RAB19: variants seen among roughly 807,000 people sequenced by gnomAD.
RAB19 encodes the protein ras-related protein Rab-19.
In RAB19, 21 loss-of-function variants were observed where a neutral mutation model predicts 17.3. That is an observed-to-expected ratio of 1.21 (90% CI 0.86 to 1.74). The LOEUF (loss-of-function observed/expected upper bound fraction) is 1.74. Among genes scored for constraint, RAB19 ranks in the 40% most tolerant of loss-of-function variants. The probability of loss-of-function intolerance (pLI) is 0.00; values close to 1 mark genes in which losing one functional copy is unlikely to be tolerated. For missense variants in RAB19, 277 were observed against 286.8 expected (o/e 0.97, Z 0.25); for synonymous variants, 126 against 110.4 (o/e 1.14, Z -0.88).
chr7:140,408,929 T>A (rs1799299059), intron 2 of RAB19, among the ~76,000 whole-genome samples: 1 of 152,120 alleles, frequency 6.6e-6, no homozygotes, highest in Admixed American at 6.6e-5. Flanking sequence ...CAACTCCTTT[T>A]TTAAATTTGT....
At chr7:140,412,279 G>A (rs895497099) in intron 3 of RAB19, among the ~76,000 whole-genome samples, 6 of 152,062 alleles carry the variant, frequency 3.9e-5, no homozygotes, top group Admixed American at 1.3e-4. Flanking sequence ...GTGAAACCCC[G>A]TCTCTACTAA....
chr7:140,407,011 G>A (rs915169157), intron 1 of RAB19, among the ~76,000 whole-genome samples: 2 of 151,936 alleles, frequency 1.3e-5, no homozygotes, highest in Admixed American at 1.3e-4. Context: ...TCAGCCTCCC[G>A]AATAGCTGAG....
chr7:140,411,090 A>G (rs1335639164), intron 2 of RAB19: 1 of 1,367,548 alleles, frequency 7.3e-7, no homozygotes, highest in Non-Finnish European at 9.8e-7. Context: ...AGAACACAAG[A>G]CCCCAGGATA....
At chr7:140,404,836 T>C (rs1047991843) in intron 1 of RAB19, among the ~76,000 whole-genome samples, 1 of 152,138 alleles carries the variant, frequency 6.6e-6, no homozygotes, top group Non-Finnish European at 1.5e-5. Context: ...CTTGGGGGAA[T>C]ATTCTTGCTG....
In RAB19 at chr7:140,427,872, G is replaced by A. The variant is rs1445077726; in HGVS notation, c.*1722G>A. 6.6e-6 allele frequency among the ~76,000 whole-genome samples: 1 copy of A among 152,000 alleles called. No individual in the cohort carries two copies. Among genetic ancestry groups the A allele is most frequent in the Non-Finnish European group, 1.5e-5 (1 of 68,010 alleles). ...CCCAAAGTGCTGGGATTACAGGCAT[G>A]AGCCACCATGCCTGGCACAATTTCT... On this transcript the variant is annotated 3_prime_UTR_variant, in exon 4 of 4. Coordinates refer to ENST00000537763, the MANE Select transcript of RAB19 (RefSeq NM_001008749.3).
chr7:140,424,613 C>CTA (rs1161239478), intron 3 of RAB19, among the ~76,000 whole-genome samples: 33 of 79,230 alleles, frequency 4.2e-4, no homozygotes, highest in South Asian at 1.7e-3. Flanking sequence ...CTCTCTCTCT[C>CTA]TCTCTCTATA....
intron 2 of RAB19, among the ~76,000 whole-genome samples, chr7:140,410,527 C>T (rs1004053786): frequency 6.6e-6 from 1 of 151,918 alleles, no homozygotes; most frequent in Non-Finnish European, 1.5e-5. Flanking sequence ...GGGGTTTCAC[C>T]TTGTTAGCCA....
chr7:140,415,776 A>G (rs55646559), intron 3 of RAB19, among the ~76,000 whole-genome samples: 51 of 43,892 alleles, frequency 1.2e-3, no homozygotes, highest in East Asian at 8.3e-3. Context: ...GTGGTGGTGC[A>G]CGCCTGGAGT....
chr7:140,426,963 T>C lies in RAB19; in HGVS notation c.*813T>C, dbSNP rs1268210394. Among the ~76,000 whole-genome samples the C allele has an allele frequency of 6.7e-6, 1 of 149,628 alleles. No individual in the cohort carries two copies. Among genetic ancestry groups the C allele is most frequent in the African/African-American group, 2.5e-5 (1 of 40,602 alleles). ...TTCAAGAGGTTCTCCCACCTCAGTC[T>C]CCCAAGTGGCTGGGACTACAGACAC... On this transcript the variant is annotated 3_prime_UTR_variant, in exon 4 of 4. Coordinates refer to ENST00000537763, the MANE Select transcript of RAB19 (RefSeq NM_001008749.3).
intron 3 of RAB19, among the ~76,000 whole-genome samples, chr7:140,420,360 G>T (rs1799535156): frequency 6.7e-6 from 1 of 149,158 alleles, no homozygotes; most frequent in South Asian, 2.1e-4. Flanking sequence ...GGCAGAGGTT[G>T]CAGTGAGCTG....
At position 140,425,485 on chromosome 7, in the gene RAB19, G is replaced by A. The variant is rs994405063; in HGVS notation, c.386-397G>A. Among the ~76,000 whole-genome samples, 211 of 152,080 alleles carry A rather than the reference G, an allele frequency of 1.4e-3. 2 individuals carry two copies. The highest frequency in any genetic ancestry group is 2.1e-4 in the Non-Finnish European group (14 of 67,996). ...TCATGCCTATAATCCCAGCACTTTC[G>A]GAGGCCGAAGCAGGCGATCACCTGA... On this transcript the variant is annotated intron_variant, in intron 3 of 3. Coordinates refer to ENST00000537763, the MANE Select transcript of RAB19 (RefSeq NM_001008749.3).
chr7:140,405,649 A>C (rs2130075665), intron 1 of RAB19, among the ~76,000 whole-genome samples: 1 of 152,220 alleles, frequency 6.6e-6, no homozygotes, highest in East Asian at 1.9e-4. Flanking sequence ...AAGTGCTAGG[A>C]TTACAGGCAT....
At chr7:140,410,068 G>A (rs796495385) in intron 2 of RAB19, among the ~76,000 whole-genome samples, 78 of 149,410 alleles carry the variant, frequency 5.2e-4, no homozygotes, top group African/African-American at 1.8e-3. Flanking sequence ...TCAACAGAAA[G>A]GGCTAGATGA....
chr7:140,412,322 G>T (rs1799381604), intron 3 of RAB19, among the ~76,000 whole-genome samples: 1 of 151,952 alleles, frequency 6.6e-6, no homozygotes, highest in Non-Finnish European at 1.5e-5. Context: ...CGTAGTGGTG[G>T]GCGCCTGTAG....
At chr7:140,407,335 C>T (rs941561381) in intron 1 of RAB19, among the ~76,000 whole-genome samples, 1 of 152,154 alleles carries the variant, frequency 6.6e-6, no homozygotes. Flanking sequence ...TGTGGCACCT[C>T]GTCTCCAGGC....
Position 140,407,822 on chromosome 7 carries a change from T to TTGATATTGAC in RAB19, c.177_186dup (p.Gly63Ter), listed in dbSNP as rs1165798030. On this transcript the variant is annotated frameshift_variant, in exon 2 of 4. Coordinates refer to ENST00000537763, the MANE Select transcript of RAB19 (RefSeq NM_001008749.3). LOFTEE classifies it high-confidence loss of function. ...GGAGTGGACTTTACCGTGCGTTCCCTTGATATTGACGGCAAAAAAGTGAAG... is the reference window on the plus strand; with the variant it reads ...GGAGTGGACTTTACCGTGCGTTCCCTTGATATTGACTGATATTGACGGCAAAAAAGTGAAG... The TTGATATTGAC allele has an allele frequency of 2.5e-6, 4 of 1,612,954 alleles. No individual in the cohort carries two copies. Among genetic ancestry groups the TTGATATTGAC allele is most frequent in the African/African-American group, 2.7e-5 (2 of 74,684 alleles).
chr7:140,412,094 C>G (rs1351952695), intron 3 of RAB19, 37 bp downstream of exon 3: 8 of 1,568,382 alleles, frequency 5.1e-6, no homozygotes, highest in Non-Finnish European at 7.0e-6. Flanking sequence ...TTTGTTTACT[C>G]TCCTCTGAGG....
At chr7:140,405,538 A>C (rs1233120899) in intron 1 of RAB19, among the ~76,000 whole-genome samples, 1 of 123,894 alleles carries the variant, frequency 8.1e-6, no homozygotes, top group African/African-American at 3.2e-5. Flanking sequence ...TTATTATTTT[A>C]ATAGAGATGG....
chr7:140,404,912 G>A (rs1204795011), intron 1 of RAB19, among the ~76,000 whole-genome samples: 3 of 152,222 alleles, frequency 2.0e-5, no homozygotes, highest in African/African-American at 4.8e-5. Flanking sequence ...AGTAAGGATA[G>A]CACGGAGCTA....
Sources: allele counts gnomAD v4.1 joint callset (sites outside exome capture counted in the v4.1 genomes callset), GRCh38; gene constraint gnomAD v4.1.1; transcripts MANE v1.5; gene names NCBI Gene and HGNC (gene_info 2026-07-23, HGNC 2026-07-21).